PLXNC1: variants seen among roughly 807,000 people sequenced by gnomAD.
PLXNC1 encodes plexin-C1.
In PLXNC1, 75 loss-of-function variants were observed where a neutral mutation model predicts 178.2. The observed-to-expected ratio is 0.42, with a 90% CI of 0.35 to 0.51. PLXNC1 has a LOEUF of 0.51. Among genes scored for constraint, PLXNC1 ranks in the 20% least tolerant of loss-of-function variants. The probability of loss-of-function intolerance (pLI) is 0.02; values close to 1 mark genes in which losing one functional copy is unlikely to be tolerated. For synonymous variants in PLXNC1, 790 were observed against 779.9 expected, an observed-to-expected ratio of 1.01 and a Z score of -0.22; for missense variants, 1,503 against 1,984.4, an observed-to-expected ratio of 0.76 and a Z score of 4.61.
intron 20 of PLXNC1, among the ~76,000 whole-genome samples, chr12:94,263,852 C>G (rs1965077154): frequency 6.6e-6 from 1 of 151,920 alleles, no homozygotes; most frequent in African/African-American, 2.4e-5. Flanking sequence ...AGCCCGGGGA[C>G]TGGGGAGGGC....
chr12:94,162,983 G>GGACA (rs760605767), intron 1 of PLXNC1, among the ~76,000 whole-genome samples: 5 of 152,126 alleles, frequency 3.3e-5, no homozygotes, highest in Non-Finnish European at 7.4e-5. Flanking sequence ...GCATCACACA[G>GGACA]GACAGCTCCC....
At chr12:94,186,719 A>G (rs1962523702) in intron 4 of PLXNC1, 1 of 429,028 alleles carries the variant, frequency 2.3e-6, no homozygotes, top group African/African-American at 2.0e-5. Flanking sequence ...TGCAGCCTTC[A>G]GGAGAACGGG....
intron 9 of PLXNC1, among the ~76,000 whole-genome samples, chr12:94,234,278 C>G (rs1156634204): frequency 1.3e-5 from 2 of 152,142 alleles, no homozygotes; most frequent in Admixed American, 6.5e-5. Context: ...GTGTTGACGT[C>G]AGACTTCACA....
At chr12:94,235,033 C>A (rs965294301) in intron 9 of PLXNC1, among the ~76,000 whole-genome samples, 2 of 152,134 alleles carry the variant, frequency 1.3e-5, no homozygotes, top group African/African-American at 4.8e-5. Context: ...TTAGGAGGGT[C>A]CTCTTGGTAG....
At chr12:94,184,177 C>T (rs375891470) in intron 3 of PLXNC1, among the ~76,000 whole-genome samples, 14 of 149,988 alleles carry the variant, frequency 9.3e-5, no homozygotes, top group Admixed American at 3.3e-4. Context: ...AGTGCAGTGG[C>T]GCAATCTCAG....
chr12:94,186,071 C>T, intron 3 of PLXNC1: 1 of 259,326 alleles, frequency 3.9e-6, no homozygotes, highest in East Asian at 8.1e-5. Context: ...TAGTGAGACC[C>T]TGTGTCTTTA....
chr12:94,243,759 G>A (rs1475531071), intron 11 of PLXNC1, among the ~76,000 whole-genome samples, 179 bp from the exon 12 acceptor site: 1 of 152,196 alleles, frequency 6.6e-6, no homozygotes, highest in Non-Finnish European at 1.5e-5. Flanking sequence ...TGAATTTGTG[G>A]CTGGTATCCT....
In PLXNC1 at chr12:94,227,197, A is replaced by C. The variant is rs760162551; in HGVS notation, c.1942A>C (p.Lys648Gln). ...VEKTSGGGRP[K>Q]ENKGNRTNQA... ...GAAGACATCAGGAGGAGGAAGACCC[A>C]AGGAGAACAAGGGGAACAGAACCAA... Residue 648 changes from lysine (K) to glutamine (Q), a missense_variant, in exon 9 of 31, where the codon AAG becomes CAG. Transcript: ENST00000258526. 2 of 1,613,296 alleles carry C rather than the reference A, an allele frequency of 1.2e-6. No homozygotes were observed. Among genetic ancestry groups the C allele is most frequent in the Non-Finnish European group, 1.7e-6 (2 of 1,179,226 alleles).
At chr12:94,238,059 G>A (rs1408209963) in intron 10 of PLXNC1, among the ~76,000 whole-genome samples, 2 of 152,138 alleles carry the variant, frequency 1.3e-5, no homozygotes, top group Admixed American at 6.6e-5. Context: ...TCAGGATGTT[G>A]CCTGTTTGGG....
intron 12 of PLXNC1, among the ~76,000 whole-genome samples, chr12:94,245,871 A>C (rs1964515794): frequency 6.6e-6 from 1 of 152,218 alleles, no homozygotes; most frequent in African/African-American, 2.4e-5. Context: ...TTTGCCCTTA[A>C]TTCTGTAGGC....
chr12:94,236,883 A>G (rs1324311491), intron 9 of PLXNC1, among the ~76,000 whole-genome samples: 2 of 152,142 alleles, frequency 1.3e-5, no homozygotes, highest in Non-Finnish European at 2.9e-5. Flanking sequence ...AAAAGGGAAA[A>G]TGATTCTTGC....
intron 2 of PLXNC1, among the ~76,000 whole-genome samples, chr12:94,179,666 G>A (rs1177744094): frequency 3.3e-5 from 5 of 150,714 alleles, no homozygotes; most frequent in African/African-American, 9.8e-5. Flanking sequence ...GCTTGAACCT[G>A]GGAAGCAGAG....
chr12:94,189,808 A>T (rs1236367995), intron 4 of PLXNC1, among the ~76,000 whole-genome samples: 1 of 152,152 alleles, frequency 6.6e-6, no homozygotes, highest in African/African-American at 2.4e-5. Flanking sequence ...GATTGTCAAG[A>T]TCATTGGCAG....
intron 23 of PLXNC1, among the ~76,000 whole-genome samples, chr12:94,289,562 G>C (rs1230219619): frequency 2.6e-5 from 4 of 152,122 alleles, no homozygotes; most frequent in East Asian, 3.9e-4. Flanking sequence ...CACAGGACTA[G>C]GGGACGATTA....
Position 94,260,689 on chromosome 12 carries a change from T to G in PLXNC1, c.3299T>G (p.Val1100Gly). 6.2e-7 allele frequency: 1 copy of G among 1,614,038 alleles called. No individual in the cohort carries two copies. The highest frequency in any genetic ancestry group is 1.1e-5 in the South Asian group (1 of 91,066). ...FLTIALQTKL[V>G]YLTSILEVLT... The stretch of plus-strand genomic sequence containing the variant: ...ACCATTGCACTGCAAACCAAGCTGG[T>G]CTACCTGACCAGCATCCTAGAGGTG... The change falls in exon 20 of 31, where the codon GTC becomes GGC. Residue 1100 changes from valine to glycine, a missense_variant. Coordinates refer to ENST00000258526, the MANE Select transcript of PLXNC1 (RefSeq NM_005761.3). The surrounding 1 kb of genome is among the most constrained non-coding windows in gnomAD (Gnocchi z 4.4).
intron 4 of PLXNC1, among the ~76,000 whole-genome samples, chr12:94,198,711 G>A (rs1433339390): frequency 6.6e-6 from 1 of 152,090 alleles, no homozygotes; most frequent in Non-Finnish European, 1.5e-5. Context: ...CCCAGCTCCG[G>A]GTGACTCCTG....
intron 2 of PLXNC1, among the ~76,000 whole-genome samples, chr12:94,177,249 ATATG>A (rs1962130109): frequency 3.0e-5 from 4 of 135,476 alleles, no homozygotes; most frequent in African/African-American, 8.4e-5. Flanking sequence ...ATATATATAT[ATATG>A]TATATATATA....
At chr12:94,209,038 A>G (rs1298542446) in intron 4 of PLXNC1, among the ~76,000 whole-genome samples, 1 of 152,248 alleles carries the variant, frequency 6.6e-6, no homozygotes, top group African/African-American at 2.4e-5. Flanking sequence ...GCAGATGGTT[A>G]TGGAATGTCT....
chr12:94,285,603 G>C (rs1966792132), intron 23 of PLXNC1, among the ~76,000 whole-genome samples: 2 of 152,138 alleles, frequency 1.3e-5, no homozygotes, highest in South Asian at 4.1e-4. Context: ...CTAAAAGTGT[G>C]CATTCTTGGG....
Sources: gnomAD v4.1 joint callset for allele counts (sites outside exome capture counted in the v4.1 genomes callset) on GRCh38, gnomAD v4.1.1 for gene constraint, Gnocchi (gnomAD v3.1) non-coding constraint, MANE v1.5 for transcripts, NCBI Gene and HGNC (gene_info 2026-07-23, HGNC 2026-07-21) for gene names.